BABAM2: variants seen among roughly 807,000 people sequenced by gnomAD.
BABAM2 encodes BRISC and BRCA1-A complex member 2.
Under a neutral mutation model 54.7 loss-of-function variants are expected in BABAM2, and 31 were observed. The ratio of observed to expected loss-of-function variants is 0.57; its 90% CI spans 0.43 to 0.77. The LOEUF is 0.77. Ranked by LOEUF, BABAM2 falls within the 30% of genes least tolerant of loss-of-function variation. The pLI is 0.00. For missense variants in BABAM2, 364 were observed against 455.8 expected, an observed-to-expected ratio of 0.80 and a Z score of 1.83; for synonymous variants, 167 against 162.9, an observed-to-expected ratio of 1.03 and a Z score of -0.19.
chr2:27,987,612 C>T (rs967516778), intron 3 of BABAM2, among the ~76,000 whole-genome samples: 3 of 151,794 alleles, frequency 2.0e-5, no homozygotes, highest in Non-Finnish European at 4.4e-5. Flanking sequence ...CTCAGGAGTT[C>T]GAGACCAGCC....
intron 6 of BABAM2, among the ~76,000 whole-genome samples, chr2:28,125,308 T>A (rs1375589300): frequency 1.3e-5 from 2 of 152,054 alleles, no homozygotes; most frequent in Admixed American, 1.3e-4. Flanking sequence ...TTATTATTTT[T>A]TTTGAGACAG....
At chr2:28,105,393 C>A (rs1032188727) in intron 6 of BABAM2, among the ~76,000 whole-genome samples, 1 of 152,130 alleles carries the variant, frequency 6.6e-6, no homozygotes, top group Non-Finnish European at 1.5e-5. Context: ...GGCAGAAATA[C>A]TTCTCTGAGA....
At chr2:27,900,929 G>C (rs1369648588) in intron 2 of BABAM2, among the ~76,000 whole-genome samples, 1 of 151,634 alleles carries the variant, frequency 6.6e-6, no homozygotes, top group African/African-American at 2.4e-5. Context: ...TATAGTCCCA[G>C]CTACTCGGGA....
At chr2:27,968,062 A>G (rs568866903) in intron 3 of BABAM2, among the ~76,000 whole-genome samples, 2 of 152,294 alleles carry the variant, frequency 1.3e-5, no homozygotes, top group African/African-American at 4.8e-5. Flanking sequence ...AGAAATTTAC[A>G]TAAGTAATGA....
Position 28,214,229 on chromosome 2 carries a change from T to C in BABAM2, c.681-22973T>C, listed in dbSNP as rs1004571018. 2.6e-5 allele frequency among the ~76,000 whole-genome samples: 4 copies of C among 152,308 alleles called. No individual in the cohort carries two copies. In the East Asian group the frequency reaches 7.7e-4, roughly 29 times the overall value. ...ATTTAATCTGATATATAGATTCATG[T>C]AAACACCACCACAATCATGATACAG... On this transcript the variant is annotated intron_variant, in intron 7 of 11. Transcript: ENST00000379624.
rs185609193 is a variant in BABAM2 at position 28,269,571 on chromosome 2, C to A, written c.934+24709C>A. ...TTTCGGTCTCTTGGGTAAAATGTTC[C>A]CTTCTCATACAGCAAACCTTTTGTA... is the stretch of plus-strand genomic sequence containing the variant. On this transcript the variant is annotated intron_variant, in intron 10 of 11. Coordinates refer to ENST00000379624, the MANE Select transcript of BABAM2 (RefSeq NM_199191.3). Among the ~76,000 whole-genome samples, 54 of 152,272 alleles carry A rather than the reference C, an allele frequency of 3.5e-4. 1 individual carries two copies. In the East Asian group the frequency reaches 9.6e-3, roughly 27 times the overall value.
intron 4 of BABAM2, among the ~76,000 whole-genome samples, chr2:27,990,181 G>C (rs1238071257): frequency 6.6e-6 from 1 of 152,180 alleles, no homozygotes; most frequent in Non-Finnish European, 1.5e-5. Flanking sequence ...TCAGCGGGCT[G>C]AGCAAGCCCA....
chr2:27,904,358 A>C (rs529282305), intron 2 of BABAM2, among the ~76,000 whole-genome samples: 1 of 152,294 alleles, frequency 6.6e-6, no homozygotes, highest in East Asian at 1.9e-4. Context: ...CAGTAATTAA[A>C]ATTTTGCTGA....
chr2:28,092,437 G>A (rs921299897), intron 6 of BABAM2, among the ~76,000 whole-genome samples: 6 of 152,102 alleles, frequency 3.9e-5, no homozygotes, highest in African/African-American at 1.2e-4. Context: ...AACTGGAAAA[G>A]TATCTATATA....
chr2:27,925,448 G>GTTA (rs149031637), intron 2 of BABAM2, among the ~76,000 whole-genome samples: 9 of 151,640 alleles, frequency 5.9e-5, no homozygotes, highest in East Asian at 3.9e-4. Flanking sequence ...ATCTAAAGTG[G>GTTA]TTATTATTAT....
chr2:27,937,196 T>G (rs1668547288), intron 3 of BABAM2, among the ~76,000 whole-genome samples: 1 of 152,224 alleles, frequency 6.6e-6, no homozygotes, highest in Non-Finnish European at 1.5e-5. Context: ...TTATAATGCC[T>G]AATACAATGT....
intron 10 of BABAM2, among the ~76,000 whole-genome samples, chr2:28,265,255 G>A (rs1684879864): frequency 6.6e-6 from 1 of 152,058 alleles, no homozygotes. Flanking sequence ...GGCCAACATG[G>A]CAAAACCCCG....
At chr2:28,313,752 A>G (rs1689274975) in intron 11 of BABAM2, among the ~76,000 whole-genome samples, 1 of 152,212 alleles carries the variant, frequency 6.6e-6, no homozygotes, top group South Asian at 2.1e-4. Context: ...AGCTCACTAT[A>G]TGCAGAATAT....
chr2:28,031,280 C>G (rs1676274011), intron 5 of BABAM2, among the ~76,000 whole-genome samples: 1 of 152,146 alleles, frequency 6.6e-6, no homozygotes, highest in Admixed American at 6.5e-5. Context: ...TCTTACCAGC[C>G]TCAGGTGTTT....
chr2:27,936,715 G>T (rs183550072), intron 3 of BABAM2, among the ~76,000 whole-genome samples: 1 of 151,718 alleles, frequency 6.6e-6, no homozygotes, highest in Admixed American at 6.6e-5. Context: ...GCCAAACACC[G>T]CATGTTCTCA....
intron 7 of BABAM2, among the ~76,000 whole-genome samples, chr2:28,211,370 GTTCC>G (rs1179811497): frequency 7.4e-6 from 1 of 135,422 alleles, no homozygotes; most frequent in Non-Finnish European, 1.6e-5. Flanking sequence ...TCCATGTATA[GTTCC>G]TTCCTTATTA....
At chr2:27,972,991 C>T (rs1418632096) in intron 3 of BABAM2, among the ~76,000 whole-genome samples, 1 of 151,736 alleles carries the variant, frequency 6.6e-6, no homozygotes, top group Non-Finnish European at 1.5e-5. Flanking sequence ...TGGTTTTGAA[C>T]TCCTGACCTC....
intron 7 of BABAM2, among the ~76,000 whole-genome samples, chr2:28,225,991 C>T (rs1362974071): frequency 6.6e-6 from 1 of 152,062 alleles, no homozygotes; most frequent in Non-Finnish European, 1.5e-5. Context: ...AAACTAAAAC[C>T]TCCTGGCCAA....
chr2:28,255,707 C>T (rs1683912776), intron 10 of BABAM2, among the ~76,000 whole-genome samples: 1 of 152,114 alleles, frequency 6.6e-6, no homozygotes, highest in Non-Finnish European at 1.5e-5. Context: ...ACTCGCTCAC[C>T]CAGGCTGGAG....
Sources: allele counts gnomAD v4.1 joint callset (sites outside exome capture counted in the v4.1 genomes callset), GRCh38; gene constraint gnomAD v4.1.1; transcripts MANE v1.5; gene names NCBI Gene and HGNC (gene_info 2026-07-23, HGNC 2026-07-21).